Variants in ZNF511 observed in about 807,000 individuals in gnomAD.
ZNF511 encodes zinc finger protein 511.
In ZNF511, 26 loss-of-function variants were observed where a neutral mutation model predicts 24.8. The observed-to-expected ratio is 1.05, with a 90% confidence interval of 0.77 to 1.46. ZNF511 has a LOEUF of 1.46. Among genes scored for constraint, ZNF511 ranks in the 40% most tolerant of loss-of-function variants. The pLI, the probability that ZNF511 is intolerant of heterozygous loss-of-function variation, is 0.00. For synonymous variants in ZNF511, 144 were observed against 139.6 expected (o/e 1.03, Z -0.22); for missense variants, 358 against 345.0 (o/e 1.04, Z -0.30).
Position 133,310,295 on chromosome 10 carries a change from A to C in ZNF511, c.554+7A>C. 6.2e-7 allele frequency: 1 copy of C among 1,613,808 alleles called. No homozygotes were observed. The highest frequency in any genetic ancestry group is 8.5e-7 in the Non-Finnish European group (1 of 1,180,030). On this transcript the variant is annotated splice_region_variant and intron_variant, in intron 4 of 5. Coordinates refer to ENST00000361518, the MANE Select transcript of ZNF511 (RefSeq NM_145806.4). ...AGCCAAAGAAAAGCAGAAGGTAGGG[A>C]GCCGCCAGGCTCAGCACGTGTCTGC...
rs774808118 is a variant in ZNF511 at position 133,312,837 on chromosome 10, A to C, written c.730A>C (p.Ser244Arg). ...FGQGAARGFKSNKKKTKQC is the reference protein window; with the variant it reads ...FGQGAARGFKRNKKKTKQC ...TCAGGGTGCCGCTCGAGGATTTAAA[A>C]GCAACAAGAAGAAAACCAAACAATG... Residue 244 changes from serine to arginine, a missense_variant, in exon 6 of 6, where the codon AGC becomes CGC. Transcript: ENST00000361518. 1.3e-5 allele frequency: 21 copies of C among 1,614,238 alleles called. No homozygotes were observed. The highest frequency in any genetic ancestry group is 1.8e-5 in the Non-Finnish European group (21 of 1,180,048).
In ZNF511 at chr10:133,309,046, C is replaced by T. The variant is rs1275603255; in HGVS notation, c.103C>T (p.Arg35Cys). Reference protein sequence around the residue: ...RDPAAGAAPFRFVARPVRFPR... With the variant: ...RDPAAGAAPFCFVARPVRFPR... ...TCCCGCGGCTGGGGCCGCGCCCTTT[C>T]GCTTCGTTGCGCGCCCCGTGCGCTT... Residue 35 changes from arginine (R) to cysteine (C), a missense_variant, in exon 1 of 6, where the codon CGC becomes TGC. By Grantham distance (180) the Arg-to-Cys change is radical. Transcript: ENST00000361518. The T allele has an allele frequency of 7.8e-7, 1 of 1,277,016 alleles. No individual in the cohort carries two copies. The highest frequency in any genetic ancestry group is 9.9e-7 in the Non-Finnish European group (1 of 1,006,212). 79.1% of individuals were successfully genotyped at this position (1,277,016 alleles called of 1,614,324 possible).
At chr10:133,312,365 G>A (rs1848011546) in intron 5 of ZNF511, 5 of 1,161,940 alleles carry the variant, frequency 4.3e-6, no homozygotes, top group Non-Finnish European at 5.3e-6. Context: ...CGGTGAACAA[G>A]TGGGGAAAAA....
At chr10:133,310,409 C>T in intron 4 of ZNF511, 121 bp downstream of exon 4, 19 of 1,269,362 alleles carry the variant, frequency 1.5e-5, no homozygotes, top group Non-Finnish European at 2.1e-5. Flanking sequence ...ATGGGGTGTT[C>T]ACCTGCAGGT....
intron 5 of ZNF511, chr10:133,312,407 T>G: frequency 8.5e-7 from 1 of 1,176,496 alleles, no homozygotes; most frequent in Non-Finnish European, 1.1e-6. Context: ...GGTGGAACGA[T>G]GAACTTAATG....
chr10:133,309,701 A>C, intron 2 of ZNF511, 75 bp from the exon 3 acceptor site: 4 of 1,554,880 alleles, frequency 2.6e-6, no homozygotes, highest in Non-Finnish European at 3.5e-6. Context: ...GACGTCTCAA[A>C]GGGAAACTGT....
At chr10:133,311,263 T>C (rs1005600336) in intron 4 of ZNF511, among the ~76,000 whole-genome samples, 22 of 152,300 alleles carry the variant, frequency 1.4e-4, no homozygotes, top group African/African-American at 3.6e-4. Flanking sequence ...CCCACTGCAA[T>C]GTGGGAGGCT....
rs1326244485 is a variant in ZNF511, at chr10:133,308,974, C to T, written c.31C>T (p.Leu11Phe). The T allele has an allele frequency of 4.8e-6, 6 of 1,243,584 alleles. No homozygotes were observed. The highest frequency in any genetic ancestry group is 4.7e-5 in the African/African-American group (3 of 64,148). 77.0% of individuals were successfully genotyped at this position (1,243,584 alleles called of 1,614,324 possible). MQLPPALCARLAAGPGAAEPL... is the reference protein window; with the variant it reads MQLPPALCARFAAGPGAAEPL... ...GTTGCCCCCCGCGCTGTGCGCCCGC[C>T]TCGCTGCGGGGCCCGGGGCGGCGGA... Residue 11 changes from leucine to phenylalanine, a missense_variant, in exon 1 of 6, where the codon CTC becomes TTC. Leu to Phe is a conservative substitution (Grantham distance 22). Transcript: ENST00000361518.
intron 4 of ZNF511, chr10:133,310,560 G>A (rs1270151092): frequency 1.5e-5 from 7 of 477,244 alleles, no homozygotes; most frequent in Middle Eastern, 5.8e-4. Context: ...CGGGCGCAGC[G>A]CCTCCGCACT....
chr10:133,311,704 C>A lies in ZNF511; in HGVS notation c.555-12C>A. 6.2e-7 allele frequency: 1 copy of A among 1,609,564 alleles called. No individual in the cohort carries two copies. The highest frequency in any genetic ancestry group is 1.1e-5 in the South Asian group (1 of 90,988). On this transcript the variant is annotated splice_polypyrimidine_tract_variant and intron_variant, in intron 4 of 5. Coordinates refer to ENST00000361518, the MANE Select transcript of ZNF511 (RefSeq NM_145806.4). ...CCGTGCAGGGCAGTTACTCACTGCTCTCTCCCCGCAGCCCAGCCTCAGCAG... is the reference window on the plus strand; with the variant it reads ...CCGTGCAGGGCAGTTACTCACTGCTATCTCCCCGCAGCCCAGCCTCAGCAG...
Position 133,309,472 on chromosome 10 carries a change from A to ATGGGCAGTGCC in ZNF511, c.227+11_227+21dup. 1 of 1,611,138 alleles carries ATGGGCAGTGCC rather than the reference A, an allele frequency of 6.2e-7. No homozygotes were observed. Among genetic ancestry groups the ATGGGCAGTGCC allele is most frequent in the Non-Finnish European group, 8.5e-7 (1 of 1,179,136 alleles). ...GTGCCTGAGAAGCCCAGGTAAGCGAATGGGCAGTGCCTAGCCAGTGCTACT... is the reference window on the plus strand; with the variant it reads ...GTGCCTGAGAAGCCCAGGTAAGCGAATGGGCAGTGCCTGGGCAGTGCCTAGCCAGTGCTACT... On this transcript the variant is annotated intron_variant, in intron 2 of 5. Coordinates refer to ENST00000361518, the MANE Select transcript of ZNF511 (RefSeq NM_145806.4).
At position 133,311,735 on chromosome 10, in the gene ZNF511, C is replaced by G; in HGVS notation, c.574C>G (p.Pro192Ala). The stretch of plus-strand genomic sequence containing the variant: ...CCGCAGCCCAGCCTCAGCAGAAGCC[C>G]CAGGGGACAGTGGAGAGCGGTCAGA... ...KSRSPASAEAPGDSGERSEGE... is the reference protein window; with the variant it reads ...KSRSPASAEAAGDSGERSEGE... Residue 192 changes from proline to alanine, a missense_variant, in exon 5 of 6, where the codon CCA (proline) becomes GCA (alanine). Pro to Ala is a conservative substitution (Grantham distance 27). Transcript: ENST00000361518. The G allele has an allele frequency of 6.2e-7, 1 of 1,613,562 alleles. No individual in the cohort carries two copies. The highest frequency in any genetic ancestry group is 8.5e-7 in the Non-Finnish European group (1 of 1,179,984).
Position 133,309,443 on chromosome 10 carries a change from C to T in ZNF511, c.207C>T (p.Ala69=), listed in dbSNP as rs138971034. ...TCCAGGACGTGATCATGCAGGTGGCCGACGTGCCTGAGAAGCCCAGGTAAG... is the reference window on the plus strand; with the variant it reads ...TCCAGGACGTGATCATGCAGGTGGCTGACGTGCCTGAGAAGCCCAGGTAAG... ...LYLQDVIMQV[A]DVPEKPRVPA... is the part of the protein sequence containing the mutation. Residue 69 remains alanine (A), a synonymous_variant, in exon 2 of 6, where the codon GCC becomes GCT. Transcript: ENST00000361518. 3.1e-6 allele frequency: 5 copies of T among 1,612,316 alleles called. No individual in the cohort carries two copies. In the African/African-American group the frequency reaches 4.0e-5, roughly 13 times the overall value.
At chr10:133,311,959 A>T in intron 5 of ZNF511, 118 bp downstream of exon 5, 1 of 1,612,038 alleles carries the variant, frequency 6.2e-7, no homozygotes, top group Non-Finnish European at 8.5e-7. Context: ...AACGCTGGGT[A>T]AGAAAATCGG....
rs1167993353 is a variant in ZNF511 at position 133,311,706 on chromosome 10, C to G, written c.555-10C>G. On this transcript the variant is annotated splice_polypyrimidine_tract_variant and intron_variant, in intron 4 of 5. Coordinates refer to ENST00000361518, the MANE Select transcript of ZNF511 (RefSeq NM_145806.4). ...GTGCAGGGCAGTTACTCACTGCTCT[C>G]TCCCCGCAGCCCAGCCTCAGCAGAA... 3 of 1,610,082 alleles carry G rather than the reference C, an allele frequency of 1.9e-6. No individual in the cohort carries two copies. Among genetic ancestry groups the G allele is most frequent in the East Asian group, 2.2e-5 (1 of 44,812 alleles).
At position 133,310,254 on chromosome 10, in the gene ZNF511, G is replaced by T; in HGVS notation, c.520G>T (p.Asp174Tyr). Residue 174 changes from aspartate (D) to tyrosine (Y), a missense_variant, in exon 4 of 6, where the codon GAC becomes TAC. Coordinates refer to ENST00000361518, the MANE Select transcript of ZNF511 (RefSeq NM_145806.4). ...HMVRMHLYPA[D>Y]FRFDKPKKSR... ...GGTGAGGATGCACCTGTACCCCGCG[G>T]ACTTCCGGTTTGATAAGCCAAAGAA... 6.2e-7 allele frequency: 1 copy of T among 1,614,024 alleles called. No individual in the cohort carries two copies. Among genetic ancestry groups the T allele is most frequent in the Non-Finnish European group, 8.5e-7 (1 of 1,180,042 alleles).
chr10:133,312,145 GCGTCTGCCTTAATAGCATCACCTGTGC>G lies in ZNF511; in HGVS notation c.680+312_680+338del, dbSNP rs1848004745. 5 of 1,413,324 alleles carry G rather than the reference GCGTCTGCCTTAATAGCATCACCTGTGC, an allele frequency of 3.5e-6. No individual in the cohort carries two copies. In the South Asian group the frequency reaches 4.7e-5, roughly 13 times the overall value. The allele number at this position is 1,413,324 out of a possible 1,614,324, so 87.5% of individuals were successfully genotyped here. On this transcript the variant is annotated intron_variant, in intron 5 of 5. Coordinates refer to ENST00000361518, the MANE Select transcript of ZNF511 (RefSeq NM_145806.4). Reference sequence around the variant, plus strand: ...TGCAGTTGCTTCAGTCACAACCCAGGCGTCTGCCTTAATAGCATCACCTGTGCCGTCTGCGTTTCTAGCGTCACCTGT... The same window carrying G: ...TGCAGTTGCTTCAGTCACAACCCAGGCGTCTGCGTTTCTAGCGTCACCTGT...
At chr10:133,310,666 C>T (rs550153154) in intron 4 of ZNF511, 24 of 256,068 alleles carry the variant, frequency 9.4e-5, no homozygotes, top group African/African-American at 3.8e-4. Flanking sequence ...CTCCTGCAGC[C>T]GTCGGCCGTG....
chr10:133,311,080 G>A (rs1249587606), intron 4 of ZNF511, among the ~76,000 whole-genome samples: 1 of 152,166 alleles, frequency 6.6e-6, no homozygotes, highest in East Asian at 1.9e-4. Context: ...GAGATTGTAG[G>A]TATGAGCTAC....
Sources: gnomAD v4.1 joint callset for allele counts (sites outside exome capture counted in the v4.1 genomes callset) on GRCh38, gnomAD v4.1.1 for gene constraint, MANE v1.5 for transcripts, NCBI Gene and HGNC (gene_info 2026-07-23, HGNC 2026-07-21) for gene names.